CFAP299: variants seen among roughly 807,000 people sequenced by gnomAD.
CFAP299 encodes the protein cilia- and flagella-associated protein 299.
CFAP299 carries 21 observed loss-of-function variants against 27.0 expected under a neutral mutation model. The observed-to-expected ratio is 0.78, with a 90% CI of 0.55 to 1.12. CFAP299 has a LOEUF of 1.12. Among genes scored for constraint, CFAP299 ranks in the 50% most tolerant of loss-of-function variants. The pLI is 0.00. For missense variants in CFAP299, 310 were observed against 276.6 expected (o/e 1.12, Z -0.86); for synonymous variants, 104 against 98.1 (o/e 1.06, Z -0.36).
At chr4:80,352,242 T>C (rs1214945154) in intron 1 of CFAP299, among the ~76,000 whole-genome samples, 1 of 152,042 alleles carries the variant, frequency 6.6e-6, no homozygotes, top group Non-Finnish European at 1.5e-5. Flanking sequence ...GAACCAGAAG[T>C]TAGAATAAAT....
chr4:80,513,601 G>A (rs1390384460), intron 2 of CFAP299, among the ~76,000 whole-genome samples: 1 of 152,068 alleles, frequency 6.6e-6, no homozygotes, highest in Non-Finnish European at 1.5e-5. Context: ...TCATCCTCAA[G>A]TAAACTCTGG....
intron 3 of CFAP299, among the ~76,000 whole-genome samples, chr4:80,739,251 C>T (rs902714829): frequency 6.6e-6 from 1 of 152,036 alleles, no homozygotes; most frequent in Admixed American, 6.6e-5. Flanking sequence ...TTACTATTAC[C>T]AGTGCATTTT....
chr4:80,594,372 C>T (rs1363948892), intron 3 of CFAP299, among the ~76,000 whole-genome samples: 1 of 152,148 alleles, frequency 6.6e-6, no homozygotes, highest in East Asian at 1.9e-4. Context: ...GAAACTGCCC[C>T]CATGATTCAG....
At chr4:80,607,099 C>T (rs1207131533) in intron 3 of CFAP299, among the ~76,000 whole-genome samples, 1 of 152,072 alleles carries the variant, frequency 6.6e-6, no homozygotes, top group Non-Finnish European at 1.5e-5. Context: ...GGACAGGGAC[C>T]TTCTAGTCAA....
At chr4:80,387,733 C>T (rs1282563816) in intron 2 of CFAP299, 1 of 1,585,042 alleles carries the variant, frequency 6.3e-7, no homozygotes, top group Admixed American at 1.7e-5. Flanking sequence ...ACCTGTGTGG[C>T]TTCAGATGTG....
intron 3 of CFAP299, among the ~76,000 whole-genome samples, chr4:80,747,947 C>T (rs75117043): frequency 1.6e-3 from 237 of 152,144 alleles, no homozygotes; most frequent in African/African-American, 5.4e-3. Flanking sequence ...GATCAAACAT[C>T]TTTCTGAATT....
intron 2 of CFAP299, among the ~76,000 whole-genome samples, chr4:80,448,197 A>C (rs772177465): frequency 6.6e-6 from 1 of 152,142 alleles, no homozygotes; most frequent in African/African-American, 2.4e-5. Context: ...CCTTTAGTGC[A>C]CTCCATGGTA....
intron 3 of CFAP299, among the ~76,000 whole-genome samples, chr4:80,729,232 T>C (rs1330865412): frequency 1.3e-5 from 2 of 152,188 alleles, no homozygotes; most frequent in Admixed American, 6.5e-5. Context: ...CTCCACACTC[T>C]TTTGGTTGCT....
chr4:80,864,355 T>G (rs1171288629), intron 3 of CFAP299, among the ~76,000 whole-genome samples: 1 of 150,080 alleles, frequency 6.7e-6, no homozygotes, highest in African/African-American at 2.4e-5. Context: ...TGCCCCATTC[T>G]GGATGCCACA....
At chr4:80,830,521 A>G (rs79628002) in intron 3 of CFAP299, among the ~76,000 whole-genome samples, 2 of 152,194 alleles carry the variant, frequency 1.3e-5, no homozygotes, top group East Asian at 3.9e-4. Context: ...AAAGTATGCA[A>G]CAGAAGTGTA....
chr4:80,550,938 A>G (rs1341140939), intron 2 of CFAP299, among the ~76,000 whole-genome samples: 1 of 152,134 alleles, frequency 6.6e-6, no homozygotes, highest in East Asian at 1.9e-4. Context: ...GGGTTTTACA[A>G]ACTTAGCAGA....
At position 80,870,095 on chromosome 4, in the gene CFAP299, A is replaced by G. The variant is rs747093592; in HGVS notation, c.436A>G (p.Thr146Ala). The G allele has an allele frequency of 1.1e-5, 17 of 1,613,290 alleles. No homozygotes were observed. Among genetic ancestry groups the G allele is most frequent in the Middle Eastern group, 1.6e-4 (1 of 6,080 alleles). The change falls in exon 4 of 6, where the codon ACT becomes GCT. Residue 146 changes from threonine to alanine, a missense_variant. Thr to Ala is a moderately conservative substitution (Grantham distance 58). Transcript: ENST00000358105. The stretch of plus-strand genomic sequence containing the variant: ...GACGGAAGATTTTGAAGTCTACTTT[A>G]CTGGAAAAAAAAGACTTCTTCCAAG... ...LKTEDFEVYFTGKKRLLPRPT... is the reference protein window; with the variant it reads ...LKTEDFEVYFAGKKRLLPRPT...
intron 2 of CFAP299, among the ~76,000 whole-genome samples, chr4:80,568,327 G>A (rs1257597129): frequency 1.3e-5 from 2 of 151,946 alleles, no homozygotes; most frequent in Admixed American, 6.6e-5. Flanking sequence ...TTAGAAAATT[G>A]CAAAACTATG....
intron 1 of CFAP299, among the ~76,000 whole-genome samples, chr4:80,358,103 G>T (rs150098680): frequency 1.1e-4 from 16 of 152,220 alleles, no homozygotes; most frequent in African/African-American, 3.6e-4. Context: ...TTACTGAAAA[G>T]TCATTCAGGA....
intron 2 of CFAP299, among the ~76,000 whole-genome samples, chr4:80,508,369 G>A (rs1283962928): frequency 2.6e-5 from 4 of 152,144 alleles, no homozygotes; most frequent in African/African-American, 7.2e-5. Flanking sequence ...AACCAACTCT[G>A]TGGGATGGAT....
Position 80,469,362 on chromosome 4 carries a change from T to C in CFAP299, c.242+106478T>C, listed in dbSNP as rs1729871300. On this transcript the variant is annotated intron_variant, in intron 2 of 5. Transcript: ENST00000358105. ...AAGTGGGTTTAGGAGTAACAAAGGA[T>C]ACATAGTTATTTAGTATTTACTATT... Among the ~76,000 whole-genome samples the C allele has an allele frequency of 2.0e-5, 3 of 152,218 alleles. No individual in the cohort carries two copies. In the South Asian group the frequency reaches 6.2e-4, roughly 31 times the overall value.
chr4:80,728,167 C>A (rs1723267111), intron 3 of CFAP299, among the ~76,000 whole-genome samples: 1 of 151,936 alleles, frequency 6.6e-6, no homozygotes, highest in Non-Finnish European at 1.5e-5. Flanking sequence ...AGTTATTTAT[C>A]AACTCATATG....
intron 2 of CFAP299, among the ~76,000 whole-genome samples, chr4:80,455,719 G>A (rs11099238): frequency 0.19 from 29,279 of 152,038 alleles, 2,959 homozygotes; most frequent in South Asian, 0.29. Flanking sequence ...TACCTTTAAG[G>A]TTTTCAAGTT....
chr4:80,833,449 C>T (rs917556334), intron 3 of CFAP299, among the ~76,000 whole-genome samples: 11 of 151,970 alleles, frequency 7.2e-5, no homozygotes, highest in African/African-American at 2.7e-4. Flanking sequence ...ATAACACGTA[C>T]TGGCCCACTG....
Sources: gnomAD v4.1 joint callset for allele counts (sites outside exome capture counted in the v4.1 genomes callset) on GRCh38, gnomAD v4.1.1 for gene constraint, MANE v1.5 for transcripts, NCBI Gene and HGNC (gene_info 2026-07-23, HGNC 2026-07-21) for gene names.